EYA4: variants seen among roughly 807,000 people sequenced by gnomAD.
EYA4 encodes protein phosphatase EYA4.
EYA4 carries 31 observed loss-of-function variants against 87.9 expected under a neutral mutation model. That is an observed-to-expected ratio of 0.35 (90% CI 0.27 to 0.48). The LOEUF (loss-of-function observed/expected upper bound fraction) is 0.48, where lower values mean the gene tolerates loss of function less well. Among genes scored for constraint, EYA4 ranks in the 20% least tolerant of loss-of-function variants. The probability of loss-of-function intolerance (pLI) is 0.99; values close to 1 mark genes in which losing one functional copy is unlikely to be tolerated. For missense variants in EYA4, 678 were observed against 761.4 expected, an observed-to-expected ratio of 0.89 and a Z score of 1.29; for synonymous variants, 263 against 270.6, an observed-to-expected ratio of 0.97 and a Z score of 0.28.
chr6:133,365,319 A>G (rs1046888032), intron 2 of EYA4, among the ~76,000 whole-genome samples: 2 of 152,186 alleles, frequency 1.3e-5, no homozygotes, highest in Non-Finnish European at 2.9e-5. Flanking sequence ...AATTCTTGAC[A>G]TCTACTTATG....
chr6:133,265,048 C>T (rs1372490559), intron 1 of EYA4, among the ~76,000 whole-genome samples: 2 of 152,090 alleles, frequency 1.3e-5, no homozygotes, highest in Non-Finnish European at 2.9e-5. Flanking sequence ...TGCCTCATTC[C>T]ATTTCTGAGA....
At chr6:133,508,918 A>T (rs1798884442) in intron 14 of EYA4, among the ~76,000 whole-genome samples, 1 of 152,160 alleles carries the variant, frequency 6.6e-6, no homozygotes, top group Admixed American at 6.5e-5. Context: ...GTGTTTTAGA[A>T]TGTGATAAGA....
At chr6:133,514,176 C>A (rs1046817120) in intron 16 of EYA4, among the ~76,000 whole-genome samples, 1 of 152,136 alleles carries the variant, frequency 6.6e-6, no homozygotes, top group African/African-American at 2.4e-5. Flanking sequence ...AAGAAATTGA[C>A]CCCTGCAAGC....
intron 3 of EYA4, among the ~76,000 whole-genome samples, chr6:133,385,141 A>T (rs911898881): frequency 1.2e-4 from 18 of 151,498 alleles, no homozygotes; most frequent in Non-Finnish European, 2.7e-4. Context: ...CTACTAAAAA[A>T]ACAAAAAATT....
intron 13 of EYA4, 39 bp downstream of exon 13, chr6:133,483,154 A>G (rs767618150): frequency 6.6e-7 from 1 of 1,507,354 alleles, no homozygotes; most frequent in East Asian, 2.3e-5. Flanking sequence ...AAATCTTGTT[A>G]AATTTTTTGT....
chr6:133,244,772 A>C (rs2128221847), intron 1 of EYA4, among the ~76,000 whole-genome samples: 1 of 152,220 alleles, frequency 6.6e-6, no homozygotes, highest in African/African-American at 2.4e-5. Flanking sequence ...GCAAGCTCTA[A>C]ATGACTGATG....
chr6:133,396,775 G>C (rs1016361710), intron 3 of EYA4, among the ~76,000 whole-genome samples: 1 of 152,082 alleles, frequency 6.6e-6, no homozygotes, highest in Non-Finnish European at 1.5e-5. Flanking sequence ...ATTACCCATT[G>C]GTATTTCTCC....
chr6:133,434,715 C>CT (rs966675226), intron 3 of EYA4, among the ~76,000 whole-genome samples: 6 of 151,926 alleles, frequency 3.9e-5, no homozygotes, highest in Admixed American at 6.6e-5. Context: ...AGGTTACCAC[C>CT]TTTTTTTTGT....
intron 12 of EYA4, among the ~76,000 whole-genome samples, chr6:133,482,521 A>G (rs993350797): frequency 1.3e-5 from 2 of 152,234 alleles, no homozygotes; most frequent in Admixed American, 6.5e-5. Context: ...TAGTTCTCAA[A>G]TGTTAATTCA....
chr6:133,288,321 G>C (rs1415271573), intron 2 of EYA4, among the ~76,000 whole-genome samples: 1 of 152,176 alleles, frequency 6.6e-6, no homozygotes, highest in Non-Finnish European at 1.5e-5. Context: ...TGGAAAGAAA[G>C]ACATCGAGTA....
intron 8 of EYA4, 50 bp from the exon 9 acceptor site, chr6:133,462,571 G>A (rs1346502743): frequency 2.3e-5 from 37 of 1,613,186 alleles, no homozygotes; most frequent in Non-Finnish European, 3.1e-5. Flanking sequence ...AACTTAGAAG[G>A]AAAATCATCT....
intron 3 of EYA4, among the ~76,000 whole-genome samples, chr6:133,439,118 C>T (rs1020751367): frequency 2.8e-5 from 4 of 144,436 alleles, no homozygotes; most frequent in Admixed American, 7.0e-5. Context: ...AATGACTTTA[C>T]GAGCATTTAG....
chr6:133,265,823 C>T (rs1423133824), intron 1 of EYA4, among the ~76,000 whole-genome samples: 1 of 152,176 alleles, frequency 6.6e-6, no homozygotes, highest in African/African-American at 2.4e-5. Flanking sequence ...TGGCAGTTGA[C>T]AAAGAAAGGC....
intron 10 of EYA4, among the ~76,000 whole-genome samples, chr6:133,467,215 T>C (rs1292024629): frequency 2.6e-5 from 4 of 152,096 alleles, no homozygotes; most frequent in Non-Finnish European, 5.9e-5. Flanking sequence ...CAGGAATTAG[T>C]AGGCTAACAG....
chr6:133,380,674 CT>C (rs914063775), intron 2 of EYA4, among the ~76,000 whole-genome samples: 4 of 151,222 alleles, frequency 2.6e-5, no homozygotes, highest in South Asian at 2.1e-4. Flanking sequence ...AAAGAAGGTT[CT>C]TTTTTTTTCA....
chr6:133,510,886 G>A (rs548774327), intron 14 of EYA4, among the ~76,000 whole-genome samples: 2 of 152,270 alleles, frequency 1.3e-5, no homozygotes, highest in Admixed American at 6.5e-5. Context: ...ATTTATTTAA[G>A]AAAGAATTGT....
chr6:133,426,010 G>A (rs1347563045), intron 3 of EYA4, among the ~76,000 whole-genome samples: 1 of 150,924 alleles, frequency 6.6e-6, no homozygotes, highest in Non-Finnish European at 1.5e-5. Flanking sequence ...CCATGCCATT[G>A]AATAAACCTG....
chr6:133,275,872 CA>C (rs1359358868), intron 2 of EYA4, among the ~76,000 whole-genome samples: 1 of 151,886 alleles, frequency 6.6e-6, no homozygotes, highest in African/African-American at 2.4e-5. Context: ...AAAAATGTAA[CA>C]AAAAATTATA....
At chr6:133,379,994 GAC>G (rs1786046617) in intron 2 of EYA4, among the ~76,000 whole-genome samples, 2 of 152,142 alleles carry the variant, frequency 1.3e-5, no homozygotes, top group South Asian at 4.1e-4. Flanking sequence ...CAAACTTCTT[GAC>G]ACTGAAATAC....
Sources: allele counts gnomAD v4.1 joint callset (sites outside exome capture counted in the v4.1 genomes callset), GRCh38; gene constraint gnomAD v4.1.1; transcripts MANE v1.5; gene names NCBI Gene and HGNC (gene_info 2026-07-23, HGNC 2026-07-21).